BTBD9: variants seen among roughly 807,000 people sequenced by gnomAD.
BTBD9 encodes the protein BTB/POZ domain-containing protein 9.
In BTBD9, 49 loss-of-function variants were observed where a neutral mutation model predicts 64.3. That is an observed-to-expected ratio of 0.76 (90% CI 0.61 to 0.97). The LOEUF is 0.97. BTBD9 is among the 50% of genes least tolerant of loss of function. BTBD9 has a pLI of 0.00. For missense variants in BTBD9, 598 were observed against 762.1 expected (o/e 0.78, Z 2.53); for synonymous variants, 260 against 274.7 (o/e 0.95, Z 0.53).
chr6:38,469,659 G>A (rs1401770749), intron 6 of BTBD9, among the ~76,000 whole-genome samples: 1 of 152,120 alleles, frequency 6.6e-6, no homozygotes, highest in African/African-American at 2.4e-5. Context: ...TCATGGCATC[G>A]TAGCCTCCTT....
intron 4 of BTBD9, 143 bp from the exon 5 acceptor site, chr6:38,580,580 C>T: frequency 1.4e-6 from 1 of 717,562 alleles, no homozygotes; most frequent in East Asian, 2.7e-5. Flanking sequence ...ATAGAAAATA[C>T]AGAACATCTA....
intron 6 of BTBD9, among the ~76,000 whole-genome samples, chr6:38,506,887 A>T (rs4711549): frequency 0.22 from 33,155 of 152,142 alleles, 3,926 homozygotes; most frequent in Admixed American, 0.28. Flanking sequence ...AACTGGTCTC[A>T]AGTTTCCTAT....
At chr6:38,306,369 TAC>T (rs1762622905) in intron 7 of BTBD9, among the ~76,000 whole-genome samples, 1 of 152,164 alleles carries the variant, frequency 6.6e-6, no homozygotes, top group African/African-American at 2.4e-5. Context: ...ACATCCCTAT[TAC>T]AACAGCCTGT....
intron 9 of BTBD9, among the ~76,000 whole-genome samples, chr6:38,247,164 A>AG (rs1373471147): frequency 3.3e-5 from 5 of 151,850 alleles, no homozygotes; most frequent in African/African-American, 1.2e-4. Context: ...GTAAAAAAAA[A>AG]AAAATCACAG....
At chr6:38,482,051 T>C (rs569481202) in intron 6 of BTBD9, 5 of 152,358 alleles carry the variant, frequency 3.3e-5, no homozygotes, top group Admixed American at 1.3e-4. Flanking sequence ...TTTTGTTTTG[T>C]TGTGTTTCTT....
chr6:38,270,643 T>C (rs1053457226), intron 8 of BTBD9, among the ~76,000 whole-genome samples: 1 of 152,094 alleles, frequency 6.6e-6, no homozygotes, highest in Non-Finnish European at 1.5e-5. Flanking sequence ...AAAGGATACA[T>C]ATGAATAGCC....
chr6:38,353,516 C>T (rs186384328), intron 6 of BTBD9, among the ~76,000 whole-genome samples: 27 of 152,246 alleles, frequency 1.8e-4, no homozygotes, highest in Non-Finnish European at 2.9e-4. Context: ...CTGTTATGTG[C>T]TAATGTGAAC....
At chr6:38,636,310 C>T (rs977037647) in intron 1 of BTBD9, among the ~76,000 whole-genome samples, 1 of 152,204 alleles carries the variant, frequency 6.6e-6, no homozygotes, top group Non-Finnish European at 1.5e-5. Context: ...ACTCCCACAG[C>T]CTCAGCGGAC....
At chr6:38,342,692 G>A (rs1303987519) in intron 7 of BTBD9, among the ~76,000 whole-genome samples, 1 of 152,116 alleles carries the variant, frequency 6.6e-6, no homozygotes, top group Non-Finnish European at 1.5e-5. Context: ...GAAAGTGTAA[G>A]AAGTAAGCAT....
rs755376393 is a variant in BTBD9, at chr6:38,592,576, T to C, written c.814A>G (p.Ile272Val). The C allele has an allele frequency of 9.3e-6, 15 of 1,613,784 alleles. No individual in the cohort carries two copies. The highest frequency in any genetic ancestry group is 8.5e-7 in the Non-Finnish European group (1 of 1,179,844). ...GAGTTTAGGATAGACAGGTACTTAC[T>C]GAGCATGCCTCTATAATTGAGGTCC... ...DMDLNYRGML[I>V]PEENIATMKY... Residue 272 changes from isoleucine to valine, a missense_variant and splice_region_variant, in exon 4 of 11, where the codon ATA becomes GTA. Ile to Val is a conservative substitution (Grantham distance 29). Coordinates refer to ENST00000481247, the MANE Select transcript of BTBD9 (RefSeq NM_001099272.2).
intron 6 of BTBD9, among the ~76,000 whole-genome samples, chr6:38,533,633 T>C (rs1280463825): frequency 6.6e-6 from 1 of 152,178 alleles, no homozygotes; most frequent in Non-Finnish European, 1.5e-5. Context: ...GGATAGACCA[T>C]ATGTTAGGTC....
intron 6 of BTBD9, among the ~76,000 whole-genome samples, chr6:38,390,179 T>C (rs1299512849): frequency 6.6e-6 from 1 of 152,150 alleles, no homozygotes; most frequent in Non-Finnish European, 1.5e-5. Context: ...AAAGATTTTC[T>C]TTCTTTTTTT....
chr6:38,489,525 AT>A (rs1264531455), intron 6 of BTBD9, among the ~76,000 whole-genome samples: 1 of 152,154 alleles, frequency 6.6e-6, no homozygotes, highest in Non-Finnish European at 1.5e-5. Context: ...TAATGTCAGC[AT>A]TTTTGTGTCA....
At chr6:38,555,270 G>A (rs893297926) in intron 6 of BTBD9, among the ~76,000 whole-genome samples, 4 of 152,064 alleles carry the variant, frequency 2.6e-5, no homozygotes, top group East Asian at 1.9e-4. Context: ...GCTGCTGTTC[G>A]TTACCAGCAA....
rs1277572125 is a variant in BTBD9, at chr6:38,400,184, G to A, written c.1155-55091C>T. Among the ~76,000 whole-genome samples, 3 of 151,878 alleles carry A rather than the reference G, an allele frequency of 2.0e-5. No homozygotes were observed. In the East Asian group the frequency reaches 5.8e-4, roughly 29 times the overall value. ...CCTTCACCAGTTCCTTCTTCTACCT[G>A]TCCCATCAGCTATTTCTTCTCTGTA... On this transcript the variant is annotated intron_variant, in intron 6 of 10. Transcript: ENST00000481247.
Position 38,175,183 on chromosome 6 carries a change from C to G in BTBD9, c.1642-1G>C. On this transcript the variant is annotated splice_acceptor_variant, in intron 10 of 10. Transcript: ENST00000481247. LOFTEE classifies it high-confidence loss of function. ...ACTCAAAGTGGACACAGTGGAACAC[C>G]TGGGAGAGAAAAGGAAAAGACCCCA... The G allele has an allele frequency of 6.2e-7, 1 of 1,614,140 alleles. No homozygotes were observed. The highest frequency in any genetic ancestry group is 8.5e-7 in the Non-Finnish European group (1 of 1,180,034).
chr6:38,414,775 G>A (rs1288627328), intron 6 of BTBD9, among the ~76,000 whole-genome samples: 1 of 151,740 alleles, frequency 6.6e-6, no homozygotes, highest in East Asian at 1.9e-4. Context: ...TCTCCTTTAT[G>A]CATGGCCCTC....
chr6:38,235,473 G>T (rs1763745201), intron 9 of BTBD9, among the ~76,000 whole-genome samples: 1 of 152,150 alleles, frequency 6.6e-6, no homozygotes, highest in Non-Finnish European at 1.5e-5. Context: ...AGTGAGGAGG[G>T]CTCAGGTTTT....
chr6:38,510,142 T>C (rs543065608), intron 6 of BTBD9, among the ~76,000 whole-genome samples: 3 of 152,238 alleles, frequency 2.0e-5, no homozygotes, highest in Non-Finnish European at 4.4e-5. Context: ...ACAACTGGGA[T>C]ACATTCTGAG....
Sources: allele counts gnomAD v4.1 joint callset (sites outside exome capture counted in the v4.1 genomes callset), GRCh38; gene constraint gnomAD v4.1.1; transcripts MANE v1.5; gene names NCBI Gene and HGNC (gene_info 2026-07-23, HGNC 2026-07-21).